UGT1A3: variants seen among roughly 807,000 people sequenced by gnomAD.
UGT1A3 encodes UDP glucuronosyltransferase family 1 member A3.
UGT1A3 carries 31 observed loss-of-function variants against 41.0 expected under a neutral mutation model. That is an observed-to-expected ratio of 0.76 (90% confidence interval 0.57 to 1.02). The LOEUF is 1.02. UGT1A3 is among the 50% of genes least tolerant of loss of function. The pLI is 0.00. For synonymous variants in UGT1A3, 262 were observed against 257.6 expected (o/e 1.02, Z -0.17); for missense variants, 737 against 671.0 (o/e 1.10, Z -1.09).
intron 4 of UGT1A3, chr2:233,770,359 G>A (rs1272591854): frequency 6.6e-6 from 1 of 152,118 alleles, no homozygotes; most frequent in Non-Finnish European, 1.5e-5. Context: ...TTGAATGAAT[G>A]AATGAAAGTT....
intron 1 of UGT1A3, chr2:233,755,091 T>A (rs747522597): frequency 1.5e-6 from 2 of 1,335,830 alleles, no homozygotes; most frequent in African/African-American, 3.0e-5. Context: ...ATCGCGTTTC[T>A]ACGCGTCCGA....
intron 1 of UGT1A3, among the ~76,000 whole-genome samples, chr2:233,738,491 G>C (rs113157638): frequency 5.3e-5 from 8 of 152,298 alleles, no homozygotes; most frequent in African/African-American, 1.9e-4. Flanking sequence ...CTTGTTGAAC[G>C]GTTTTGACCA....
chr2:233,745,596 G>T (rs1207233970), intron 1 of UGT1A3, among the ~76,000 whole-genome samples: 1 of 151,570 alleles, frequency 6.6e-6, no homozygotes, highest in Non-Finnish European at 1.5e-5. Context: ...ACCCGGACTT[G>T]GCACTTGGTA....
chr2:233,750,566 C>G (rs575907211), intron 1 of UGT1A3: 1 of 151,898 alleles, frequency 6.6e-6, no homozygotes, highest in Admixed American at 6.5e-5. Context: ...TGCAGCAGAC[C>G]CTCCCATCAC....
chr2:233,762,717 G>GT lies in UGT1A3; in HGVS notation c.868-4305dup, dbSNP rs34681509. 2.7e-3 allele frequency among the ~76,000 whole-genome samples: 387 copies of GT among 141,006 alleles called. 1 individual carries two copies. The highest frequency in any genetic ancestry group is 0.012 in the Middle Eastern group (3 of 260). 92.5% of individuals were successfully genotyped at this position (141,006 alleles called of 152,430 possible). On this transcript the variant is annotated intron_variant, in intron 1 of 4. Coordinates refer to ENST00000482026, the MANE Select transcript of UGT1A3 (RefSeq NM_019093.4). ...CATCTTTTCTTAAGTATTTTACACG[G>GT]TTTTTTTTTTTTGGTCACTACTGTG...
intron 1 of UGT1A3, among the ~76,000 whole-genome samples, chr2:233,733,971 G>T (rs927832512): frequency 6.6e-6 from 1 of 152,028 alleles, no homozygotes; most frequent in East Asian, 1.9e-4. Flanking sequence ...TAGGGGGAGC[G>T]GGGAGGGATA....
At chr2:233,738,315 GTGAA>G (rs1690761880) in intron 1 of UGT1A3, among the ~76,000 whole-genome samples, 1 of 152,192 alleles carries the variant, frequency 6.6e-6, no homozygotes, top group African/African-American at 2.4e-5. Context: ...ATAGCAGTGT[GTGAA>G]TGGACTAATA....
intron 1 of UGT1A3, among the ~76,000 whole-genome samples, chr2:233,756,623 G>A (rs1327328388): frequency 6.6e-6 from 1 of 152,146 alleles, no homozygotes; most frequent in East Asian, 1.9e-4. Flanking sequence ...CTTGCAGGCC[G>A]TGTGTATAGC....
intron 1 of UGT1A3, among the ~76,000 whole-genome samples, chr2:233,759,599 A>ACCCCCCCCCCCCC (rs1553620419): frequency 1.6e-4 from 17 of 108,720 alleles, no homozygotes; most frequent in African/African-American, 3.6e-4. Context: ...CCCACCCCCG[A>ACCCCCCCCCCCCC]CCCGCCCCAC....
chr2:233,753,749 G>A (rs143381120), intron 1 of UGT1A3: 2 of 152,342 alleles, frequency 1.3e-5, no homozygotes, highest in African/African-American at 4.8e-5. Context: ...CAATAGGACA[G>A]TTTTGCGTGG....
intron 1 of UGT1A3, chr2:233,755,375 G>A (rs1695890157): frequency 5.6e-6 from 2 of 355,636 alleles, no homozygotes; most frequent in South Asian, 4.5e-5. Context: ...CTGGAGGGCC[G>A]CCCCTTATGA....
intron 1 of UGT1A3, among the ~76,000 whole-genome samples, chr2:233,740,241 T>A (rs774118650): frequency 4.0e-5 from 6 of 151,874 alleles, no homozygotes; most frequent in Non-Finnish European, 7.3e-5. Flanking sequence ...AGGCTGAGAA[T>A]AGACTAATAC....
Position 233,767,934 on chromosome 2 carries a change from T to C in UGT1A3, c.1085T>C (p.Leu362Pro). 6.2e-7 allele frequency: 1 copy of C among 1,614,184 alleles called. No homozygotes were observed. Among genetic ancestry groups the C allele is most frequent in the Non-Finnish European group, 8.5e-7 (1 of 1,180,038 alleles). The stretch of plus-strand genomic sequence containing the variant: ...AAGTGGCTACCCCAAAACGATCTGC[T>C]TGGTATGTTGGGCGGATTGGATGTA... ...LVKWLPQNDL[L>P]GHPMTRAFIT... The change falls in exon 3 of 5, where the codon CTT becomes CCT. Residue 362 changes from leucine to proline, a missense_variant and splice_region_variant. Leu to Pro is a moderately conservative substitution (Grantham distance 98). Transcript: ENST00000482026.
intron 1 of UGT1A3, among the ~76,000 whole-genome samples, chr2:233,739,213 A>G (rs1053433139): frequency 6.6e-6 from 1 of 152,254 alleles, no homozygotes; most frequent in Non-Finnish European, 1.5e-5. Context: ...CTGCATGGAT[A>G]GAGTCCTTAT....
rs1356280713 is a variant in UGT1A3 at position 233,729,993 on chromosome 2, G to T, written c.867G>T (p.Gln289His). 6.2e-7 allele frequency: 1 copy of T among 1,613,886 alleles called. No individual in the cohort carries two copies. Among genetic ancestry groups the T allele is most frequent in the Non-Finnish European group, 8.5e-7 (1 of 1,179,884 alleles). Residue 289 changes from glutamine to histidine, a missense_variant and splice_region_variant, in exon 1 of 5, where the codon CAG (glutamine) becomes CAT (histidine). Transcript: ENST00000482026. ...GTGCCAACAGGAAGCCACTATCTCA[G>T]GTCTGTATTGGTGCCTTCATCCAAT... ...INCANRKPLS[Q>H]EFEAYINASG...
intron 1 of UGT1A3, among the ~76,000 whole-genome samples, chr2:233,761,626 A>C (rs1697818460): frequency 6.6e-6 from 1 of 152,238 alleles, no homozygotes; most frequent in Non-Finnish European, 1.5e-5. Flanking sequence ...TAAGAAGCTA[A>C]ATCCTGCAGT....
rs907498423 is a variant in UGT1A3, at chr2:233,772,974, A to C, written c.*415A>C. The stretch of plus-strand genomic sequence containing the variant: ...GATGGTTGCAATTGATCCTTAACCA[A>C]TAATGGTCAGTCCTCATCTCTGTCG... On this transcript the variant is annotated 3_prime_UTR_variant, in exon 5 of 5. Transcript: ENST00000482026. 3.0e-5 allele frequency: 9 copies of C among 303,654 alleles called. No individual in the cohort carries two copies. The highest frequency in any genetic ancestry group is 5.7e-5 in the Non-Finnish European group (9 of 158,574). The allele number at this position is 303,654 out of a possible 1,614,324, so 18.8% of individuals were successfully genotyped here.
chr2:233,745,923 C>T (rs922725968), intron 1 of UGT1A3, among the ~76,000 whole-genome samples: 1 of 151,246 alleles, frequency 6.6e-6, no homozygotes, highest in Non-Finnish European at 1.5e-5. Flanking sequence ...GGCAGTGATT[C>T]AGAAGGGACA....
At chr2:233,733,541 C>T (rs1172335855) in intron 1 of UGT1A3, among the ~76,000 whole-genome samples, 2 of 152,150 alleles carry the variant, frequency 1.3e-5, no homozygotes, top group Non-Finnish European at 2.9e-5. Context: ...TTGTTGAAGG[C>T]CTTTTCTGCA....
Sources: gnomAD v4.1 joint callset for allele counts (sites outside exome capture counted in the v4.1 genomes callset) on GRCh38, gnomAD v4.1.1 for gene constraint, MANE v1.5 for transcripts, NCBI Gene and HGNC (gene_info 2026-07-23, HGNC 2026-07-21) for gene names.